The following SRD5A2 variants were observed in gnomAD, a reference collection of about 807,000 sequenced individuals.
SRD5A2 encodes 3-oxo-5-alpha-steroid 4-dehydrogenase 2.
A neutral mutation model predicts 27.4 loss-of-function variants in SRD5A2; 30 were observed. The observed-to-expected ratio is 1.10, with a 90% CI of 0.82 to 1.49. The LOEUF (loss-of-function observed/expected upper bound fraction) is 1.49, where lower values mean the gene tolerates loss of function less well. Ranked by LOEUF, SRD5A2 falls within the 40% of genes most tolerant of loss-of-function variation. The pLI is 0.00. For missense variants in SRD5A2, 348 were observed against 323.4 expected (o/e 1.08, Z -0.58); for synonymous variants, 141 against 133.6 (o/e 1.06, Z -0.38).
chr2:31,659,228 T>C, the SRD5A2 span, among the ~76,000 whole-genome samples: 1 of 152,080 alleles, frequency 6.6e-6, no homozygotes, highest in Non-Finnish European at 1.5e-5. Context: ...CAACATTATA[T>C]TGAATAGGTA....
At chr2:31,632,849 G>A in the SRD5A2 span, among the ~76,000 whole-genome samples, 1 of 152,150 alleles carries the variant, frequency 6.6e-6, no homozygotes, top group South Asian at 2.1e-4. Flanking sequence ...GAAGGAAAAA[G>A]GGTAAATATA....
chr2:31,626,769 T>G, the SRD5A2 span, among the ~76,000 whole-genome samples: 1 of 152,170 alleles, frequency 6.6e-6, no homozygotes, highest in Non-Finnish European at 1.5e-5. Context: ...AGTATTATAT[T>G]GAGGATTTTT....
chr2:31,523,717 A>G lies in SRD5A2; in HGVS notation c.*2479T>C, dbSNP rs1665708701. 4.5e-6 allele frequency: 1 copy of G among 220,948 alleles called. No homozygotes were observed. Among genetic ancestry groups the G allele is most frequent in the South Asian group, 1.8e-4 (1 of 5,420 alleles). The allele number at this position is 220,948 out of a possible 1,614,324, so 13.7% of individuals were successfully genotyped here. A position where few individuals can be genotyped will look rare whatever the true frequency, so the allele number is the denominator to read the frequency against. On this transcript the variant is annotated 3_prime_UTR_variant, in exon 5 of 5. Transcript: ENST00000622030. Reference sequence around the variant, plus strand: ...TTTAGCCAAAAAACAGTCCATGGAAACCTCAATTAACTATAATTTTGTTGC... The same window carrying G: ...TTTAGCCAAAAAACAGTCCATGGAAGCCTCAATTAACTATAATTTTGTTGC...
chr2:31,571,553 G>GA (rs556053332), intron 1 of SRD5A2, among the ~76,000 whole-genome samples: 89 of 151,470 alleles, frequency 5.9e-4, no homozygotes, highest in South Asian at 5.2e-3. Context: ...TTCTGCACAG[G>GA]AAAAAAAACT....
chr2:31,614,810 G>T, the SRD5A2 span, among the ~76,000 whole-genome samples: 2 of 152,036 alleles, frequency 1.3e-5, no homozygotes, highest in Admixed American at 1.3e-4. Flanking sequence ...CCAATGATAT[G>T]GTTTGGCAGT....
At chr2:31,587,508 T>C in the SRD5A2 span, among the ~76,000 whole-genome samples, 14 of 152,268 alleles carry the variant, frequency 9.2e-5, no homozygotes, top group East Asian at 2.7e-3. Context: ...CGAATGCCCA[T>C]CAATGGTAGA....
At chr2:31,617,330 G>T in the SRD5A2 span, among the ~76,000 whole-genome samples, 1 of 152,058 alleles carries the variant, frequency 6.6e-6, no homozygotes, top group Non-Finnish European at 1.5e-5. Context: ...ACACAGGAGG[G>T]GGCCCCTGGG....
At chr2:31,535,841 C>T (rs1666015995) in intron 1 of SRD5A2, among the ~76,000 whole-genome samples, 1 of 152,156 alleles carries the variant, frequency 6.6e-6, no homozygotes, top group Non-Finnish European at 1.5e-5. Context: ...CTTCCTTCCC[C>T]AGAGGGAAAA....
At chr2:31,654,852 C>T in the SRD5A2 span, among the ~76,000 whole-genome samples, 2 of 152,156 alleles carry the variant, frequency 1.3e-5, no homozygotes, top group South Asian at 4.1e-4. Context: ...TCTCTGGTCA[C>T]ACACGAAGGC....
chr2:31,649,759 T>C, the SRD5A2 span, among the ~76,000 whole-genome samples: 2 of 152,172 alleles, frequency 1.3e-5, no homozygotes, highest in East Asian at 3.9e-4. Flanking sequence ...ATACTGTCCC[T>C]GGAAGTTTTG....
chr2:31,531,385 T>C lies in SRD5A2; in HGVS notation c.533A>G (p.Tyr178Cys). ...RQLRKPGEIS[Y>C]RIPQGGLFTY... ...GGAGACATTACCTTGTGGAATCCTG[T>C]AGCTGATTTCTCCAGGCTTCCTGAG... The change falls in exon 3 of 5, where the codon TAC becomes TGC. Residue 178 changes from tyrosine (Y) to cysteine (C), a missense_variant. Coordinates refer to ENST00000622030, the MANE Select transcript of SRD5A2 (RefSeq NM_000348.4). The C allele has an allele frequency of 1.3e-6, 2 of 1,585,458 alleles. No homozygotes were observed. The highest frequency in any genetic ancestry group is 1.7e-6 in the Non-Finnish European group (2 of 1,164,558).
chr2:31,588,940 A>G, the SRD5A2 span, among the ~76,000 whole-genome samples: 4 of 152,150 alleles, frequency 2.6e-5, no homozygotes. Context: ...CTTTTGCTGC[A>G]AGAACTACCA....
chr2:31,605,394 T>C, the SRD5A2 span, among the ~76,000 whole-genome samples: 1 of 151,850 alleles, frequency 6.6e-6, no homozygotes, highest in Non-Finnish European at 1.5e-5. Context: ...AAAGTGTTCA[T>C]CTGACAAGGT....
the SRD5A2 span, among the ~76,000 whole-genome samples, chr2:31,628,119 G>A: frequency 6.6e-6 from 1 of 151,950 alleles, no homozygotes; most frequent in African/African-American, 2.4e-5. Context: ...TCTTTTTGAG[G>A]GTCTCTAAAA....
intron 1 of SRD5A2, among the ~76,000 whole-genome samples, chr2:31,551,283 T>C (rs1196262772): frequency 1.3e-5 from 2 of 152,114 alleles, no homozygotes; most frequent in Admixed American, 6.6e-5. Flanking sequence ...TCCCCCAAAA[T>C]GACAATGCAA....
chr2:31,605,859 G>C, the SRD5A2 span, among the ~76,000 whole-genome samples: 1 of 151,832 alleles, frequency 6.6e-6, no homozygotes, highest in African/African-American at 2.4e-5. Flanking sequence ...CATGTTTGTT[G>C]TAGCACTGTT....
the SRD5A2 span, among the ~76,000 whole-genome samples, chr2:31,595,093 T>G: frequency 1.3e-5 from 2 of 152,040 alleles, no homozygotes; most frequent in Admixed American, 6.6e-5. Context: ...CATTAAATGC[T>G]TACATCAAAA....
the SRD5A2 span, among the ~76,000 whole-genome samples, chr2:31,609,587 C>G: frequency 1.5e-4 from 23 of 152,092 alleles, no homozygotes; most frequent in Admixed American, 1.4e-3. Context: ...AAAATAGGAC[C>G]CTTATTTCAC....
intron 1 of SRD5A2, among the ~76,000 whole-genome samples, chr2:31,575,027 C>G (rs1666927469): frequency 6.6e-6 from 1 of 152,188 alleles, no homozygotes; most frequent in African/African-American, 2.4e-5. Context: ...CTAAAAAAAT[C>G]CTTCAATTAA....
Sources: allele counts gnomAD v4.1 joint callset (sites outside exome capture counted in the v4.1 genomes callset), GRCh38; gene constraint gnomAD v4.1.1; transcripts MANE v1.5; gene names NCBI Gene and HGNC (gene_info 2026-07-23, HGNC 2026-07-21).